Variants in KCNQ5 observed in about 807,000 individuals in gnomAD.
The protein encoded by KCNQ5 is potassium voltage-gated channel subfamily KQT member 5.
A neutral mutation model predicts 98.2 loss-of-function variants in KCNQ5; 30 were observed. The ratio of observed to expected loss-of-function variants is 0.31; its 90% CI spans 0.23 to 0.41. The LOEUF (loss-of-function observed/expected upper bound fraction) is 0.41, where lower values mean the gene tolerates loss of function less well. Ranked by LOEUF, KCNQ5 falls within the 10% of genes least tolerant of loss-of-function variation. The pLI is 1.00. For missense variants in KCNQ5, 835 were observed against 1,182.5 expected (o/e 0.71, Z 4.31); for synonymous variants, 458 against 449.4 (o/e 1.02, Z -0.24).
chr6:72,929,977 G>A (rs560162244), intron 1 of KCNQ5, among the ~76,000 whole-genome samples: 25 of 152,098 alleles, frequency 1.6e-4, no homozygotes, highest in Non-Finnish European at 3.5e-4. Context: ...AGGAAGCTTA[G>A]TGTAAGATTT....
rs981171752 is a variant in KCNQ5 at position 72,924,560 on chromosome 6, C to T, written c.399-79348C>T. Among the ~76,000 whole-genome samples, 9 of 152,296 alleles carry T rather than the reference C, an allele frequency of 5.9e-5. No individual in the cohort carries two copies. In the East Asian group the frequency reaches 1.7e-3, roughly 29 times the overall value. On this transcript the variant is annotated intron_variant, in intron 1 of 13. Coordinates refer to ENST00000370398, the MANE Select transcript of KCNQ5 (RefSeq NM_019842.4). Reference sequence around the variant, plus strand: ...AGCACATCTCTGGCACTGTGATTAGCTCAATGTGCTATTTTTAAATCTACT... The same window carrying T: ...AGCACATCTCTGGCACTGTGATTAGTTCAATGTGCTATTTTTAAATCTACT...
intron 8 of KCNQ5, among the ~76,000 whole-genome samples, chr6:73,122,246 G>T (rs562549805): frequency 6.6e-6 from 1 of 152,150 alleles, no homozygotes; most frequent in East Asian, 1.9e-4. Flanking sequence ...TAGGAAAACT[G>T]ATAGAGAATT....
chr6:72,878,075 A>C (rs1181283830), intron 1 of KCNQ5, among the ~76,000 whole-genome samples: 1 of 152,204 alleles, frequency 6.6e-6, no homozygotes, highest in Non-Finnish European at 1.5e-5. Flanking sequence ...GTTCCAGACC[A>C]GCCTGACCTA....
intron 5 of KCNQ5, among the ~76,000 whole-genome samples, chr6:73,104,564 C>T (rs371472566): frequency 6.6e-6 from 1 of 152,114 alleles, no homozygotes. Context: ...CTTTCTCCTC[C>T]CTAGATCACC....
At chr6:72,792,799 A>T (rs987825679) in intron 1 of KCNQ5, among the ~76,000 whole-genome samples, 2 of 152,214 alleles carry the variant, frequency 1.3e-5, no homozygotes, top group African/African-American at 4.8e-5. Flanking sequence ...ATCTATCCAT[A>T]CATATTTAGG....
At chr6:73,033,441 G>C (rs1202620142) in intron 2 of KCNQ5, among the ~76,000 whole-genome samples, 1 of 152,108 alleles carries the variant, frequency 6.6e-6, no homozygotes, top group Non-Finnish European at 1.5e-5. Context: ...ATATTAACAG[G>C]TGTGAAAAAC....
intron 5 of KCNQ5, among the ~76,000 whole-genome samples, chr6:73,092,008 A>G (rs1216607547): frequency 2.0e-5 from 3 of 151,650 alleles, no homozygotes; most frequent in African/African-American, 7.3e-5. Flanking sequence ...GATTTCTTTC[A>G]GCAGTGTTTT....
intron 10 of KCNQ5, among the ~76,000 whole-genome samples, chr6:73,147,149 C>T (rs911059877): frequency 6.6e-6 from 1 of 151,792 alleles, no homozygotes; most frequent in Admixed American, 6.6e-5. Flanking sequence ...TTAATTTGTT[C>T]TCTCTCTCTC....
chr6:73,002,526 T>C (rs2150321721), intron 1 of KCNQ5, among the ~76,000 whole-genome samples: 1 of 152,314 alleles, frequency 6.6e-6, no homozygotes, highest in South Asian at 2.1e-4. Context: ...AAAAGGGACT[T>C]AGCACAGTGT....
chr6:72,702,805 C>A (rs1188882912), intron 1 of KCNQ5, among the ~76,000 whole-genome samples: 1 of 152,198 alleles, frequency 6.6e-6, no homozygotes, highest in Non-Finnish European at 1.5e-5. Context: ...ACACTTTTGG[C>A]AGATTCAGAT....
intron 1 of KCNQ5, among the ~76,000 whole-genome samples, chr6:72,754,528 G>T (rs531183277): frequency 6.6e-6 from 1 of 152,182 alleles, no homozygotes; most frequent in East Asian, 1.9e-4. Context: ...TGAGGGAAGA[G>T]AGAGGATTTT....
At chr6:72,725,155 T>G (rs1770199866) in intron 1 of KCNQ5, among the ~76,000 whole-genome samples, 1 of 152,170 alleles carries the variant, frequency 6.6e-6, no homozygotes, top group South Asian at 2.1e-4. Flanking sequence ...AATAGAGAAT[T>G]TGGTATCCTT....
chr6:73,165,870 G>A (rs1036768987), intron 10 of KCNQ5, among the ~76,000 whole-genome samples: 2 of 151,892 alleles, frequency 1.3e-5, no homozygotes, highest in East Asian at 1.9e-4. Context: ...GCTTGAACCC[G>A]GGAGGCGGAG....
rs117015354 is a variant in KCNQ5 at position 72,890,651 on chromosome 6, G to A, written c.399-113257G>A. 2.7e-3 allele frequency among the ~76,000 whole-genome samples: 408 copies of A among 152,228 alleles called. 3 individuals carry two copies. The highest frequency in any genetic ancestry group is 3.2e-3 in the Non-Finnish European group (221 of 68,002). ...ACACCAGGATCAAAACCATCTTGCC[G>A]AGGTTCTTATTCTTGATCGAAATAG... On this transcript the variant is annotated intron_variant, in intron 1 of 13. Coordinates refer to ENST00000370398, the MANE Select transcript of KCNQ5 (RefSeq NM_019842.4).
chr6:73,060,161 G>T (rs1434139137), intron 3 of KCNQ5, among the ~76,000 whole-genome samples: 3 of 151,950 alleles, frequency 2.0e-5, no homozygotes, highest in Admixed American at 1.3e-4. Flanking sequence ...CTCAGAAATT[G>T]CCCTATTCTT....
chr6:72,804,261 T>C (rs1774833060), intron 1 of KCNQ5, among the ~76,000 whole-genome samples: 1 of 152,108 alleles, frequency 6.6e-6, no homozygotes, highest in South Asian at 2.1e-4. Context: ...TAATAGGTTT[T>C]ATTTATTCTA....
intron 1 of KCNQ5, among the ~76,000 whole-genome samples, chr6:72,652,056 T>C (rs1179276646): frequency 6.6e-6 from 1 of 152,068 alleles, no homozygotes; most frequent in Non-Finnish European, 1.5e-5. Flanking sequence ...CTCCTTCTCC[T>C]GTCTCAATGC....
At chr6:73,020,543 T>C (rs1438887370) in intron 2 of KCNQ5, among the ~76,000 whole-genome samples, 2 of 152,134 alleles carry the variant, frequency 1.3e-5, no homozygotes, top group African/African-American at 4.8e-5. Context: ...TGGAGGGTGC[T>C]TCATTACATA....
chr6:72,752,109 C>T (rs995960006), intron 1 of KCNQ5, among the ~76,000 whole-genome samples: 2 of 152,114 alleles, frequency 1.3e-5, no homozygotes, highest in African/African-American at 4.8e-5. Flanking sequence ...AAAAGTCAAA[C>T]ATTTGTTGAG....
Sources: gnomAD v4.1 joint callset for allele counts (sites outside exome capture counted in the v4.1 genomes callset) on GRCh38, gnomAD v4.1.1 for gene constraint, MANE v1.5 for transcripts, NCBI Gene and HGNC (gene_info 2026-07-23, HGNC 2026-07-21) for gene names.